ANK3: variants seen among roughly 807,000 people sequenced by gnomAD.
ANK3 encodes ankyrin-3.
In ANK3, 57 loss-of-function variants were observed where a neutral mutation model predicts 370.9. The ratio of observed to expected loss-of-function variants is 0.15; its 90% CI spans 0.12 to 0.19. The LOEUF (loss-of-function observed/expected upper bound fraction) is 0.19. Among genes scored for constraint, ANK3 ranks in the 10% least tolerant of loss-of-function variants. The probability of loss-of-function intolerance (pLI) is 1.00; values close to 1 mark genes in which losing one functional copy is unlikely to be tolerated. For missense variants in ANK3, 4,439 were observed against 5,302.1 expected (o/e 0.84, Z 5.06); for synonymous variants, 1,929 against 1,946.3 (o/e 0.99, Z 0.23).
At chr10:60,405,148 C>A (rs79651918) in intron 2 of ANK3, among the ~76,000 whole-genome samples, 6 of 152,138 alleles carry the variant, frequency 3.9e-5, no homozygotes, top group Admixed American at 3.3e-4. Flanking sequence ...AAACACCTAC[C>A]CTATAACCTA....
intron 8 of ANK3, among the ~76,000 whole-genome samples, chr10:60,222,894 T>C (rs2097085670): frequency 2.0e-5 from 3 of 152,210 alleles, no homozygotes; most frequent in African/African-American, 7.2e-5. Context: ...TTAAATGGAA[T>C]CTTTCTACCT....
intron 28 of ANK3, among the ~76,000 whole-genome samples, chr10:60,088,817 G>A (rs2087386806): frequency 6.6e-6 from 1 of 152,054 alleles, no homozygotes; most frequent in East Asian, 1.9e-4. Context: ...TAAAATATTG[G>A]GTTTTGCAAA....
intron 1 of ANK3, among the ~76,000 whole-genome samples, chr10:60,377,175 C>A (rs1026494215): frequency 2.6e-5 from 4 of 152,186 alleles, no homozygotes; most frequent in Admixed American, 6.5e-5. Context: ...CAGGTCCTTG[C>A]AGAAGAGGGG....
intron 2 of ANK3, among the ~76,000 whole-genome samples, chr10:60,462,427 C>T (rs992865925): frequency 1.1e-4 from 17 of 152,094 alleles, no homozygotes; most frequent in Non-Finnish European, 2.4e-4. Flanking sequence ...ATGTTTACTG[C>T]TATATACGTG....
At chr10:60,590,575 T>C (rs1360588843) in intron 2 of ANK3, among the ~76,000 whole-genome samples, 2 of 152,198 alleles carry the variant, frequency 1.3e-5, no homozygotes, top group Admixed American at 6.5e-5. Flanking sequence ...AAGAACAACA[T>C]GAAGAATGGT....
chr10:60,154,974 T>C (rs1320835793), intron 23 of ANK3, among the ~76,000 whole-genome samples: 3 of 152,100 alleles, frequency 2.0e-5, no homozygotes, highest in African/African-American at 7.2e-5. Context: ...CAGAGGAAGG[T>C]TCTCTAAATA....
At chr10:60,475,257 A>C (rs2075031963) in intron 2 of ANK3, among the ~76,000 whole-genome samples, 1 of 146,668 alleles carries the variant, frequency 6.8e-6, no homozygotes, top group African/African-American at 2.4e-5. Flanking sequence ...CTATGACCAT[A>C]ATCCTTATCA....
intron 25 of ANK3, among the ~76,000 whole-genome samples, chr10:60,126,457 G>A (rs1434106818): frequency 2.6e-5 from 4 of 152,092 alleles, no homozygotes; most frequent in Non-Finnish European, 5.9e-5. Flanking sequence ...AGGCAGAGGC[G>A]GGTGGATCAC....
intron 28 of ANK3, among the ~76,000 whole-genome samples, chr10:60,105,696 C>T (rs1228896112): frequency 6.6e-6 from 1 of 152,110 alleles, no homozygotes; most frequent in Non-Finnish European, 1.5e-5. Flanking sequence ...CATCAAAATA[C>T]TTATACTTCT....
At chr10:60,164,514 G>T (rs895159242) in intron 23 of ANK3, among the ~76,000 whole-genome samples, 3 of 149,182 alleles carry the variant, frequency 2.0e-5, no homozygotes, top group Non-Finnish European at 4.5e-5. Context: ...AAACTAAAAA[G>T]AAATAGAAAA....
At chr10:60,632,396 G>GAA (rs368715875) in intron 1 of ANK3, among the ~76,000 whole-genome samples, 1 of 145,846 alleles carries the variant, frequency 6.9e-6, no homozygotes, top group Non-Finnish European at 1.5e-5. Context: ...TTAGCAAAAA[G>GAA]AAAAAAAAAA....
intron 29 of ANK3, among the ~76,000 whole-genome samples, chr10:60,087,869 C>T (rs1439101323): frequency 6.6e-6 from 1 of 152,092 alleles, no homozygotes; most frequent in Non-Finnish European, 1.5e-5. Flanking sequence ...GTATGTTGTT[C>T]CACATACTGA....
rs1359173368 is a variant in ANK3 at position 60,388,937 on chromosome 10, A to G, written c.114+488T>C. On this transcript the variant is annotated intron_variant, in intron 1 of 43. Coordinates refer to ENST00000280772, the MANE Select transcript of ANK3 (RefSeq NM_020987.5). ...GGAAATAAAAGCAAAGCAGGAAATGACTTTTGTGCTACTCCTCTAAGGTCA... is the reference window on the plus strand; with the variant it reads ...GGAAATAAAAGCAAAGCAGGAAATGGCTTTTGTGCTACTCCTCTAAGGTCA... 4.6e-5 allele frequency among the ~76,000 whole-genome samples: 7 copies of G among 152,322 alleles called. No homozygotes were observed. In the East Asian group the frequency reaches 9.7e-4, roughly 21 times the overall value.
At chr10:60,697,577 C>T (rs1589044045) in intron 1 of ANK3, among the ~76,000 whole-genome samples, 1 of 142,012 alleles carries the variant, frequency 7.0e-6, no homozygotes, top group East Asian at 2.1e-4. Flanking sequence ...TGGAACAGAA[C>T]AGAGCCCTCA....
At chr10:60,131,629 C>T (rs778826080) in intron 25 of ANK3, among the ~76,000 whole-genome samples, 5 of 152,180 alleles carry the variant, frequency 3.3e-5, no homozygotes, top group Non-Finnish European at 7.3e-5. Flanking sequence ...CCACAGTCTA[C>T]CTGAGTAAGT....
intron 23 of ANK3, among the ~76,000 whole-genome samples, chr10:60,163,144 T>C (rs937074071): frequency 2.0e-5 from 3 of 151,890 alleles, no homozygotes; most frequent in African/African-American, 4.8e-5. Flanking sequence ...CTTTCTTCTA[T>C]ACACACACTC....
chr10:60,283,687 A>C (rs2098200012), intron 1 of ANK3, among the ~76,000 whole-genome samples: 1 of 152,172 alleles, frequency 6.6e-6, no homozygotes, highest in Non-Finnish European at 1.5e-5. Flanking sequence ...GATAGAGTCA[A>C]GCATTATTAT....
At chr10:60,660,710 C>A (rs116625575) in intron 1 of ANK3, among the ~76,000 whole-genome samples, 6,218 of 151,994 alleles carry the variant, frequency 0.041, 161 homozygotes, top group Middle Eastern at 0.075. Context: ...CCTGGAAGAG[C>A]TGGCATTTAA....
intron 2 of ANK3, among the ~76,000 whole-genome samples, chr10:60,470,784 G>A (rs1044558997): frequency 1.3e-5 from 2 of 152,024 alleles, no homozygotes; most frequent in Non-Finnish European, 2.9e-5. Context: ...ATCTAATAAA[G>A]AAGCCAAAGA....
Sources: gnomAD v4.1 joint callset for allele counts (sites outside exome capture counted in the v4.1 genomes callset) on GRCh38, gnomAD v4.1.1 for gene constraint, MANE v1.5 for transcripts, NCBI Gene and HGNC (gene_info 2026-07-23, HGNC 2026-07-21) for gene names.